CACNA1E: variants seen among roughly 807,000 people sequenced by gnomAD.
CACNA1E encodes voltage-dependent R-type calcium channel subunit alpha-1E.
In CACNA1E, 40 loss-of-function variants were observed where a neutral mutation model predicts 259.2. The observed-to-expected ratio is 0.15, with a 90% CI of 0.12 to 0.20. The LOEUF (loss-of-function observed/expected upper bound fraction) is 0.20, where lower values mean the gene tolerates loss of function less well. CACNA1E is among the 10% of genes least tolerant of loss of function. The pLI is 1.00. For missense variants in CACNA1E, 1,874 were observed against 3,040.1 expected (o/e 0.62, Z 9.02); for synonymous variants, 1,104 against 1,138.5 (o/e 0.97, Z 0.61).
chr1:181,438,830 C>A (rs796503249), intron 2 of CACNA1E, among the ~76,000 whole-genome samples: 1 of 152,156 alleles, frequency 6.6e-6, no homozygotes, highest in African/African-American at 2.4e-5. Context: ...GTATATATGT[C>A]CTAGATAAAT....
At chr1:181,544,556 T>C (rs909469589) in intron 3 of CACNA1E, among the ~76,000 whole-genome samples, 1 of 152,232 alleles carries the variant, frequency 6.6e-6, no homozygotes, top group East Asian at 1.9e-4. Flanking sequence ...GTTTTAACTT[T>C]ATTGTAACCT....
At chr1:181,476,138 T>TA (rs1662834247) in intron 2 of CACNA1E, among the ~76,000 whole-genome samples, 1 of 151,392 alleles carries the variant, frequency 6.6e-6, no homozygotes, top group Admixed American at 6.6e-5. Context: ...AGTAGGAGGG[T>TA]AAAAAAAGGG....
At chr1:181,399,174 G>A (rs543584209) in intron 1 of CACNA1E, among the ~76,000 whole-genome samples, 7 of 150,490 alleles carry the variant, frequency 4.7e-5, no homozygotes, top group Non-Finnish European at 1.0e-4. Context: ...TGGCTTGCAG[G>A]AAAGTTACAA....
intron 2 of CACNA1E, among the ~76,000 whole-genome samples, chr1:181,438,104 G>T (rs1453228470): frequency 6.6e-6 from 1 of 152,188 alleles, no homozygotes; most frequent in East Asian, 1.9e-4. Flanking sequence ...AGGGAGGTGT[G>T]TGGTGAGAAT....
At chr1:181,423,976 A>G (rs1658963855) in intron 2 of CACNA1E, among the ~76,000 whole-genome samples, 1 of 152,190 alleles carries the variant, frequency 6.6e-6, no homozygotes, top group African/African-American at 2.4e-5. Flanking sequence ...GGGCTATTAG[A>G]GGACTGACTT....
chr1:181,410,412 A>C (rs1284650406), intron 1 of CACNA1E, among the ~76,000 whole-genome samples: 1 of 152,228 alleles, frequency 6.6e-6, no homozygotes, highest in African/African-American at 2.4e-5. Flanking sequence ...CTTCAAGCTC[A>C]AAAGCATTGA....
chr1:181,646,200 T>C (rs1389194772), intron 6 of CACNA1E, among the ~76,000 whole-genome samples: 1 of 152,242 alleles, frequency 6.6e-6, no homozygotes, highest in Non-Finnish European at 1.5e-5. Context: ...AGATGGAGCC[T>C]TGAGTCCAGC....
intron 9 of CACNA1E, among the ~76,000 whole-genome samples, chr1:181,715,726 T>G (rs1001631643): frequency 6.6e-6 from 1 of 152,182 alleles, no homozygotes; most frequent in Non-Finnish European, 1.5e-5. Context: ...CCACTTTCAT[T>G]ACCAGGAAGT....
rs141780314 is a variant in CACNA1E at position 181,393,680 on chromosome 1, A to G, written c.-14-19453A>G. Reference sequence around the variant, plus strand: ...GCAATGTTGCCTAGGCTGGTCTCGAACTCCTGAGCTCAGGTGATCTACCTG... The same window carrying G: ...GCAATGTTGCCTAGGCTGGTCTCGAGCTCCTGAGCTCAGGTGATCTACCTG... On this transcript the variant is annotated intron_variant, in intron 1 of 11. Coordinates refer to the CACNA1E transcript ENST00000524607. Among the ~76,000 whole-genome samples the G allele has an allele frequency of 2.5e-3, 377 of 151,996 alleles. 1 individual carries two copies. The highest frequency in any genetic ancestry group is 3.8e-3 in the Non-Finnish European group (261 of 67,962).
intron 1 of CACNA1E, among the ~76,000 whole-genome samples, chr1:181,397,968 C>T (rs1391686886): frequency 6.6e-6 from 1 of 152,242 alleles, no homozygotes; most frequent in South Asian, 2.1e-4. Context: ...GCTCCTGTAA[C>T]AGGAACAAAT....
intron 6 of CACNA1E, among the ~76,000 whole-genome samples, chr1:181,623,532 G>A (rs1317970202): frequency 6.6e-6 from 1 of 152,068 alleles, no homozygotes; most frequent in Admixed American, 6.6e-5. Flanking sequence ...AAATTGAACA[G>A]CAATAAAATA....
rs59106928 is a variant in CACNA1E, at chr1:181,783,481, A to T, written c.5365-198A>T. On this transcript the variant is annotated intron_variant, in intron 39 of 47. Transcript: ENST00000367573. ...GGTGGAGAAAAAACAAACAAACTAC[A>T]ACAACAACAACAACAAAACAGCAGC... Among the ~76,000 whole-genome samples, 2,266 of 137,150 alleles carry T rather than the reference A, an allele frequency of 0.017. 37 individuals are homozygous for T. Among genetic ancestry groups the T allele is most frequent in the African/African-American group, 0.043 (1,705 of 39,544 alleles). 90.0% of individuals were successfully genotyped at this position (137,150 alleles called of 152,430 possible).
At chr1:181,685,230 G>GTTTTTTTTTTT (rs139598690) in intron 7 of CACNA1E, among the ~76,000 whole-genome samples, 1 of 103,436 alleles carries the variant, frequency 9.7e-6, no homozygotes, top group Non-Finnish European at 1.8e-5. Flanking sequence ...CCACCTTTAA[G>GTTTTTTTTTTT]TTTTTTTTTT....
chr1:181,595,773 G>C (rs765236683), intron 6 of CACNA1E, among the ~76,000 whole-genome samples: 1 of 152,072 alleles, frequency 6.6e-6, no homozygotes, highest in Admixed American at 6.5e-5. Flanking sequence ...CAGGAGCCTT[G>C]GTCCACGCTG....
chr1:181,662,441 A>G (rs1647780957), intron 7 of CACNA1E, among the ~76,000 whole-genome samples: 1 of 152,182 alleles, frequency 6.6e-6, no homozygotes, highest in African/African-American at 2.4e-5. Flanking sequence ...AGTAAAATAC[A>G]GACTCTAGAC....
intron 6 of CACNA1E, among the ~76,000 whole-genome samples, chr1:181,603,063 T>C (rs1473427088): frequency 6.6e-6 from 1 of 152,174 alleles, no homozygotes; most frequent in East Asian, 1.9e-4. Flanking sequence ...AGGGTTTGAA[T>C]CTGTAAATGA....
chr1:181,441,452 A>G (rs112012189), intron 2 of CACNA1E, among the ~76,000 whole-genome samples: 108 of 152,298 alleles, frequency 7.1e-4, no homozygotes, highest in African/African-American at 2.5e-3. Flanking sequence ...ACCTGGCCCA[A>G]TTCACTGCTT....
At chr1:181,650,321 G>A (rs1050896239) in intron 6 of CACNA1E, among the ~76,000 whole-genome samples, 132 of 152,146 alleles carry the variant, frequency 8.7e-4, no homozygotes, top group African/African-American at 2.8e-3. Flanking sequence ...ATTTGACTTT[G>A]GCCTTGTTTT....
intron 25 of CACNA1E, among the ~76,000 whole-genome samples, chr1:181,739,779 G>A (rs747497612): frequency 6.6e-6 from 1 of 152,150 alleles, no homozygotes; most frequent in Admixed American, 6.5e-5. Context: ...AATAATATGT[G>A]TAATCTCCAA....
Sources: gnomAD v4.1 joint callset for allele counts (sites outside exome capture counted in the v4.1 genomes callset) on GRCh38, gnomAD v4.1.1 for gene constraint, MANE v1.5 for transcripts, NCBI Gene and HGNC (gene_info 2026-07-23, HGNC 2026-07-21) for gene names.